Variants in RNF150 observed in about 807,000 individuals in gnomAD.
The protein encoded by RNF150 is ring finger protein 150.
A neutral mutation model predicts 39.3 loss-of-function variants in RNF150; 24 were observed. The ratio of observed to expected loss-of-function variants is 0.61; its 90% CI spans 0.44 to 0.86. The LOEUF (loss-of-function observed/expected upper bound fraction) is 0.86. Among genes scored for constraint, RNF150 ranks in the 40% least tolerant of loss-of-function variants. The probability of loss-of-function intolerance (pLI) is 0.00; values close to 1 mark genes in which losing one functional copy is unlikely to be tolerated. For missense variants in RNF150, 502 were observed against 587.8 expected (o/e 0.85, Z 1.51); for synonymous variants, 255 against 227.3 (o/e 1.12, Z -1.10).
chr4:141,048,632 C>T (rs890992608), intron 1 of RNF150, among the ~76,000 whole-genome samples: 11 of 152,066 alleles, frequency 7.2e-5, no homozygotes, highest in African/African-American at 2.4e-4. Flanking sequence ...AGTTGGGAGG[C>T]TGAGGCAGGA....
intron 1 of RNF150, among the ~76,000 whole-genome samples, chr4:141,128,774 A>G (rs962799697): frequency 6.6e-6 from 1 of 152,208 alleles, no homozygotes; most frequent in African/African-American, 2.4e-5. Flanking sequence ...TCCCTAGCAT[A>G]AAAGTGTATG....
intron 6 of RNF150, among the ~76,000 whole-genome samples, chr4:140,871,213 G>C (rs565725245): frequency 6.6e-6 from 1 of 151,998 alleles, no homozygotes; most frequent in African/African-American, 2.4e-5. Context: ...TCCAGTTGTT[G>C]TTTATGCATG....
At chr4:140,980,116 C>A (rs548389923) in intron 1 of RNF150, among the ~76,000 whole-genome samples, 1 of 152,176 alleles carries the variant, frequency 6.6e-6, no homozygotes, top group South Asian at 2.1e-4. Context: ...GATCTTGGGT[C>A]ACCGCAACTT....
chr4:140,999,956 A>C lies in RNF150; in HGVS notation c.485-32083T>G, dbSNP rs576759393. 4.6e-3 allele frequency among the ~76,000 whole-genome samples: 179 copies of C among 38,900 alleles called. 12 individuals are homozygous for C. The highest frequency in any genetic ancestry group is 0.028 in the East Asian group (34 of 1,226). The allele number at this position is 38,900 out of a possible 152,430, so 25.5% of individuals were successfully genotyped here. A position where few individuals can be genotyped will look rare whatever the true frequency, so the allele number is the denominator to read the frequency against. ...TGGTCTCAAAAAAAGAAGAAGAAGA[A>C]GAAGAAGAAGAAGAAGAAGAAAAGA... On this transcript the variant is annotated intron_variant, in intron 1 of 6. Transcript: ENST00000515673.
At chr4:140,956,796 C>T (rs909344113) in intron 2 of RNF150, among the ~76,000 whole-genome samples, 10 of 151,876 alleles carry the variant, frequency 6.6e-5, no homozygotes, top group Non-Finnish European at 1.3e-4. Context: ...GAAAAACAAG[C>T]AATGGGGAAA....
chr4:141,014,827 C>T (rs892155867), intron 1 of RNF150, among the ~76,000 whole-genome samples: 1 of 152,126 alleles, frequency 6.6e-6, no homozygotes, highest in Non-Finnish European at 1.5e-5. Flanking sequence ...CAGTTTGATG[C>T]CATCCCACTG....
chr4:141,061,256 C>G (rs1471758198), intron 1 of RNF150, among the ~76,000 whole-genome samples: 1 of 152,070 alleles, frequency 6.6e-6, no homozygotes, highest in African/African-American at 2.4e-5. Context: ...CATGCAGATA[C>G]TAGCCTAAAT....
chr4:140,960,452 T>A (rs1374369605), intron 2 of RNF150, among the ~76,000 whole-genome samples: 4 of 152,164 alleles, frequency 2.6e-5, no homozygotes, highest in African/African-American at 4.8e-5. Flanking sequence ...CAACCATACC[T>A]GAGTTTATGT....
intron 1 of RNF150, among the ~76,000 whole-genome samples, chr4:141,193,366 G>T (rs923503380): frequency 2.6e-5 from 4 of 152,154 alleles, no homozygotes; most frequent in Non-Finnish European, 4.4e-5. Flanking sequence ...CCCAATCTTG[G>T]GCTTAACCTA....
chr4:141,077,726 A>G (rs938788022), intron 1 of RNF150, among the ~76,000 whole-genome samples: 4 of 152,208 alleles, frequency 2.6e-5, no homozygotes, highest in Admixed American at 2.0e-4. Context: ...TAAGTGACCA[A>G]CCAGCCTAGG....
intron 6 of RNF150, among the ~76,000 whole-genome samples, chr4:140,879,484 G>A (rs1398220850): frequency 6.6e-6 from 1 of 152,094 alleles, no homozygotes; most frequent in Non-Finnish European, 1.5e-5. Flanking sequence ...CTTTTTTGAT[G>A]CTATCATAAA....
intron 1 of RNF150, 23 bp from the exon 2 acceptor site, chr4:140,967,896 G>A (rs375563869): frequency 1.1e-5 from 17 of 1,608,888 alleles, no homozygotes; most frequent in Non-Finnish European, 1.4e-5. Context: ...GGGAAGGAAG[G>A]GGCAATAAAG....
intron 6 of RNF150, among the ~76,000 whole-genome samples, chr4:140,885,892 C>A (rs1729553509): frequency 6.6e-6 from 1 of 152,226 alleles, no homozygotes; most frequent in South Asian, 2.1e-4. Context: ...GCGTAAGCCA[C>A]AGCACCTAGC....
chr4:141,005,865 G>A (rs1734846433), intron 1 of RNF150, among the ~76,000 whole-genome samples: 1 of 131,394 alleles, frequency 7.6e-6, no homozygotes, highest in South Asian at 2.4e-4. Flanking sequence ...TCAGGAGATC[G>A]AGACCATCCC....
At chr4:141,077,635 C>T (rs1560725535) in intron 1 of RNF150, among the ~76,000 whole-genome samples, 1 of 152,216 alleles carries the variant, frequency 6.6e-6, no homozygotes, top group Non-Finnish European at 1.5e-5. Flanking sequence ...GCCCACATTC[C>T]ACCATTTCAC....
chr4:141,023,533 C>T (rs1280536698), intron 1 of RNF150, among the ~76,000 whole-genome samples: 3 of 148,636 alleles, frequency 2.0e-5, no homozygotes, highest in Non-Finnish European at 3.0e-5. Context: ...GGATTACAGG[C>T]GTGAGTCTCC....
At chr4:140,924,028 G>A (rs1384231074) in intron 5 of RNF150, among the ~76,000 whole-genome samples, 1 of 152,092 alleles carries the variant, frequency 6.6e-6, no homozygotes, top group African/African-American at 2.4e-5. Context: ...GCTAAATGAT[G>A]AGTTAGTGGG....
intron 1 of RNF150, among the ~76,000 whole-genome samples, chr4:141,158,191 T>G (rs1275550682): frequency 1.3e-5 from 2 of 152,122 alleles, no homozygotes; most frequent in Admixed American, 1.3e-4. Context: ...CTTGGGAGGC[T>G]GAGGTAGGAG....
chr4:141,043,115 A>T (rs1365690932), intron 1 of RNF150, among the ~76,000 whole-genome samples: 1 of 152,176 alleles, frequency 6.6e-6, no homozygotes, highest in Non-Finnish European at 1.5e-5. Flanking sequence ...GTACAAAAAA[A>T]TTCAAATATA....
Sources: allele counts gnomAD v4.1 joint callset (sites outside exome capture counted in the v4.1 genomes callset), GRCh38; gene constraint gnomAD v4.1.1; transcripts MANE v1.5; gene names NCBI Gene and HGNC (gene_info 2026-07-23, HGNC 2026-07-21).